ZNF710: variants seen among roughly 807,000 people sequenced by gnomAD.
ZNF710 encodes zinc finger protein 710.
A neutral mutation model predicts 50.6 loss-of-function variants in ZNF710; 13 were observed. The ratio of observed to expected loss-of-function variants is 0.26; its 90% CI spans 0.17 to 0.41. ZNF710 has a LOEUF of 0.41. Ranked by LOEUF, ZNF710 falls within the 10% of genes least tolerant of loss-of-function variation. The probability of loss-of-function intolerance (pLI) is 1.00; values close to 1 mark genes in which losing one functional copy is unlikely to be tolerated. For synonymous variants in ZNF710, 383 were observed against 397.0 expected (o/e 0.96, Z 0.42); for missense variants, 721 against 936.6 (o/e 0.77, Z 3.01).
chr15:90,018,975 G>C (rs1489017784), intron 1 of ZNF710, among the ~76,000 whole-genome samples: 1 of 148,818 alleles, frequency 6.7e-6, no homozygotes, highest in African/African-American at 2.5e-5. Flanking sequence ...TCTTCCTTTT[G>C]TTTTTTAGAA....
chr15:90,076,692 G>A (rs564096466), intron 4 of ZNF710: 1 of 147,424 alleles, frequency 6.8e-6, no homozygotes, highest in Non-Finnish European at 1.5e-5. Flanking sequence ...AGTGAGCCGA[G>A]ATTGTGTCAC....
At chr15:90,016,940 C>T (rs979051609) in intron 1 of ZNF710, among the ~76,000 whole-genome samples, 2 of 152,246 alleles carry the variant, frequency 1.3e-5, no homozygotes, top group Non-Finnish European at 2.9e-5. Flanking sequence ...TACGGATTGG[C>T]TCTGCAGTCC....
In ZNF710 at chr15:90,081,876, T is replaced by C. The variant is rs1293317738; in HGVS notation, c.*2047T>C. The C allele has an allele frequency of 6.6e-6, 1 of 152,276 alleles. No homozygotes were observed. Among genetic ancestry groups the C allele is most frequent in the African/African-American group, 2.4e-5 (1 of 41,442 alleles). The allele number at this position is 152,276 out of a possible 1,614,324, so 9.4% of individuals were successfully genotyped here. ...AGCACTGGCCCTCTGTGAGGTTCGA[T>C]ACTTGAACGCCCCCTGCCCTGTGCC... On this transcript the variant is annotated 3_prime_UTR_variant, in exon 5 of 5. Transcript: ENST00000268154.
intron 1 of ZNF710, among the ~76,000 whole-genome samples, chr15:90,061,056 T>G (rs553084429): frequency 6.6e-6 from 1 of 152,180 alleles, no homozygotes; most frequent in Non-Finnish European, 1.5e-5. Flanking sequence ...TCAAATTACA[T>G]TGATCACGGG....
At chr15:90,055,739 C>T (rs977575257) in intron 1 of ZNF710, among the ~76,000 whole-genome samples, 3 of 152,230 alleles carry the variant, frequency 2.0e-5, no homozygotes, top group African/African-American at 4.8e-5. Context: ...GGTCCCCAGA[C>T]GGTAGAAGGC....
At chr15:90,012,290 A>ATTTTTTTTTTTTTTTT (rs1026567607) in intron 1 of ZNF710, among the ~76,000 whole-genome samples, 3 of 94,524 alleles carry the variant, frequency 3.2e-5, no homozygotes, top group African/African-American at 4.6e-5. Flanking sequence ...TTGAGTGTGC[A>ATTTTTTTTTTTTTTTT]TTTTTTTTTT....
At chr15:90,058,728 T>TATATATATGTACATGTAC (rs1555458604) in intron 1 of ZNF710, among the ~76,000 whole-genome samples, 2 of 145,936 alleles carry the variant, frequency 1.4e-5, no homozygotes, top group African/African-American at 5.3e-5. Context: ...TACACACATA[T>TATATATATGTACATGTAC]ACACACACAC....
upstream of ZNF710, among the ~76,000 whole-genome samples, chr15:89,999,606 A>C (rs956221217): frequency 6.6e-6 from 1 of 152,070 alleles, no homozygotes; most frequent in Admixed American, 6.5e-5. Flanking sequence ...TCCTCGTCAG[A>C]GACAAATGTG....
chr15:90,046,892 G>C (rs1899479368), intron 1 of ZNF710, among the ~76,000 whole-genome samples: 1 of 152,118 alleles, frequency 6.6e-6, no homozygotes, highest in Non-Finnish European at 1.5e-5. Context: ...ATGGCTTTGG[G>C]GCAGGCACCA....
chr15:90,031,331 C>T (rs1898942398), intron 1 of ZNF710, among the ~76,000 whole-genome samples: 2 of 152,316 alleles, frequency 1.3e-5, no homozygotes, highest in Non-Finnish European at 2.9e-5. Context: ...CAGGATGCAG[C>T]ATCACCCGGG....
chr15:90,031,174 G>A (rs998799705), intron 1 of ZNF710, among the ~76,000 whole-genome samples: 1 of 152,210 alleles, frequency 6.6e-6, no homozygotes, highest in African/African-American at 2.4e-5. Flanking sequence ...GACAGTTGGT[G>A]GTGATGGGTT....
chr15:90,005,991 C>T (rs964969797), intron 1 of ZNF710, among the ~76,000 whole-genome samples: 2 of 152,098 alleles, frequency 1.3e-5, no homozygotes, highest in Admixed American at 6.6e-5. Context: ...ATGATGTGGT[C>T]ATATGTCTCT....
chr15:90,079,094 C>T (rs1900660814), intron 4 of ZNF710, among the ~76,000 whole-genome samples: 1 of 152,164 alleles, frequency 6.6e-6, no homozygotes, highest in Non-Finnish European at 1.5e-5. Flanking sequence ...CTCACCCTCC[C>T]GCAGTGTGAG....
At chr15:90,055,748 G>A (rs1899792813) in intron 1 of ZNF710, among the ~76,000 whole-genome samples, 1 of 152,206 alleles carries the variant, frequency 6.6e-6, no homozygotes, top group African/African-American at 2.4e-5. Flanking sequence ...ACGGTAGAAG[G>A]CAAACAGTCT....
intron 1 of ZNF710, among the ~76,000 whole-genome samples, chr15:90,045,831 G>A (rs902391571): frequency 1.3e-5 from 2 of 152,138 alleles, no homozygotes; most frequent in African/African-American, 4.8e-5. Context: ...TGAGCTGGAG[G>A]CCAGAGAGGG....
chr15:90,038,707 C>CTGTGTGTGTGTGTGTGTGTGTG (rs144152063), intron 1 of ZNF710, among the ~76,000 whole-genome samples: 139 of 143,674 alleles, frequency 9.7e-4, no homozygotes, highest in East Asian at 5.9e-3. Flanking sequence ...CCTCCCTGCT[C>CTGTGTGTGTGTGTGTGTGTGTG]TGTGTGTGTG....
intron 1 of ZNF710, among the ~76,000 whole-genome samples, chr15:90,044,558 CAT>C (rs996945475): frequency 1.1e-4 from 17 of 152,208 alleles, no homozygotes; most frequent in Non-Finnish European, 1.8e-4. Context: ...GACAGGGACA[CAT>C]GTGTCCCACG....
At chr15:90,048,072 GT>G (rs1284300392) in intron 1 of ZNF710, among the ~76,000 whole-genome samples, 8 of 152,376 alleles carry the variant, frequency 5.3e-5, no homozygotes, top group African/African-American at 1.9e-4. Flanking sequence ...TGTGCTGAAA[GT>G]TGGCCCAGGT....
chr15:90,001,941 G>A (rs1898022532), intron 1 of ZNF710, among the ~76,000 whole-genome samples: 1 of 142,706 alleles, frequency 7.0e-6, no homozygotes, highest in Non-Finnish European at 1.5e-5. Context: ...AGCGAAAGAG[G>A]GCGAGAGGGA....
Sources: gnomAD v4.1 joint callset for allele counts (sites outside exome capture counted in the v4.1 genomes callset) on GRCh38, gnomAD v4.1.1 for gene constraint, MANE v1.5 for transcripts, NCBI Gene and HGNC (gene_info 2026-07-23, HGNC 2026-07-21) for gene names.